The following GNA12 variants were observed in gnomAD, a reference collection of about 807,000 sequenced individuals.
The protein encoded by GNA12 is guanine nucleotide-binding protein subunit alpha-12.
GNA12 carries 9 observed loss-of-function variants against 26.0 expected under a neutral mutation model. That is an observed-to-expected ratio of 0.35 (90% CI 0.21 to 0.60). The LOEUF (loss-of-function observed/expected upper bound fraction) is 0.60, where lower values mean the gene tolerates loss of function less well. Among genes scored for constraint, GNA12 ranks in the 20% least tolerant of loss-of-function variants. GNA12 has a pLI of 0.78. For synonymous variants in GNA12, 264 were observed against 219.6 expected, an observed-to-expected ratio of 1.20 and a Z score of -1.79; for missense variants, 405 against 525.8, an observed-to-expected ratio of 0.77 and a Z score of 2.25.
intron 1 of GNA12, among the ~76,000 whole-genome samples, chr7:2,838,138 A>G (rs1778891492): frequency 6.6e-6 from 1 of 151,968 alleles, no homozygotes; most frequent in African/African-American, 2.4e-5. Context: ...AAAGCATTAT[A>G]CTTAAAAAAA....
intron 1 of GNA12, chr7:2,814,864 A>C (rs1793178260): frequency 1.2e-6 from 2 of 1,601,044 alleles, no homozygotes; most frequent in Non-Finnish European, 1.7e-6. Flanking sequence ...TCCCCTCCAC[A>C]GCACTCACTC....
At chr7:2,732,684 C>T (rs934129968) in intron 3 of GNA12, among the ~76,000 whole-genome samples, 1 of 152,206 alleles carries the variant, frequency 6.6e-6, no homozygotes. Flanking sequence ...TGACTACCAC[C>T]CACGGGGTGT....
intron 2 of GNA12, among the ~76,000 whole-genome samples, chr7:2,750,001 C>T (rs1266302518): frequency 6.6e-6 from 1 of 152,172 alleles, no homozygotes; most frequent in African/African-American, 2.4e-5. Flanking sequence ...AAGCAGAAAA[C>T]TTTCCAAATT....
chr7:2,739,662 T>C (rs1211756370), intron 2 of GNA12, among the ~76,000 whole-genome samples: 1 of 152,144 alleles, frequency 6.6e-6, no homozygotes, highest in African/African-American at 2.4e-5. Flanking sequence ...AGTGAAACTG[T>C]AGCATCCTAT....
intron 2 of GNA12, among the ~76,000 whole-genome samples, chr7:2,743,089 G>C (rs981342149): frequency 6.6e-6 from 1 of 152,206 alleles, no homozygotes; most frequent in African/African-American, 2.4e-5. Context: ...AAGGGGTAAG[G>C]TGGGAACACT....
chr7:2,832,898 C>G (rs1778717277), intron 1 of GNA12, among the ~76,000 whole-genome samples: 1 of 152,144 alleles, frequency 6.6e-6, no homozygotes, highest in South Asian at 2.1e-4. Context: ...TGCCGCACTT[C>G]CAAAGCAGAC....
chr7:2,760,787 G>T (rs1181207500), intron 2 of GNA12, among the ~76,000 whole-genome samples: 7 of 152,210 alleles, frequency 4.6e-5, no homozygotes, highest in Non-Finnish European at 1.0e-4. Flanking sequence ...CCCTACTGCT[G>T]GACCGTCCCA....
chr7:2,735,928 G>A (rs1229316028), intron 2 of GNA12, among the ~76,000 whole-genome samples: 1 of 152,132 alleles, frequency 6.6e-6, no homozygotes, highest in Admixed American at 6.6e-5. Flanking sequence ...AACCCTGTGT[G>A]ATCCAGAACG....
At chr7:2,738,016 T>G (rs1790295602) in intron 2 of GNA12, among the ~76,000 whole-genome samples, 1 of 152,182 alleles carries the variant, frequency 6.6e-6, no homozygotes, top group Admixed American at 6.5e-5. Flanking sequence ...GCTGTGAAAG[T>G]ATTCTGGAAA....
At chr7:2,765,453 C>G (rs1289605006) in intron 2 of GNA12, among the ~76,000 whole-genome samples, 1 of 152,088 alleles carries the variant, frequency 6.6e-6, no homozygotes, top group Non-Finnish European at 1.5e-5. Flanking sequence ...GCCACCGCGC[C>G]CAGCCTACAA....
intron 1 of GNA12, among the ~76,000 whole-genome samples, chr7:2,834,055 C>G (rs564486811): frequency 1.3e-5 from 2 of 152,372 alleles, no homozygotes; most frequent in South Asian, 4.1e-4. Flanking sequence ...AAACACTCCC[C>G]TGAAACCCTA....
intron 1 of GNA12, among the ~76,000 whole-genome samples, chr7:2,829,073 AG>A (rs36125065): frequency 0.41 from 60,732 of 148,352 alleles, 12,607 homozygotes; most frequent in Admixed American, 0.47. Context: ...ACCCTGTCTC[AG>A]GAAAAAAAAA....
intron 2 of GNA12, among the ~76,000 whole-genome samples, chr7:2,739,074 T>A (rs191961945): frequency 6.6e-6 from 1 of 152,228 alleles, no homozygotes; most frequent in Non-Finnish European, 1.5e-5. Flanking sequence ...CCGCAGGGTG[T>A]GTCCTCGGCG....
At chr7:2,817,449 G>A (rs577067251) in intron 1 of GNA12, among the ~76,000 whole-genome samples, 1 of 152,252 alleles carries the variant, frequency 6.6e-6, no homozygotes. Flanking sequence ...TACACAGCCT[G>A]CAAGACTGTA....
chr7:2,766,445 G>C (rs1173300382), intron 2 of GNA12, among the ~76,000 whole-genome samples: 1 of 149,428 alleles, frequency 6.7e-6, no homozygotes, highest in Non-Finnish European at 1.5e-5. Flanking sequence ...GAGTGCAGTG[G>C]TGCCATCTTG....
At chr7:2,812,902 T>G (rs1350774320) in intron 1 of GNA12, among the ~76,000 whole-genome samples, 1 of 152,164 alleles carries the variant, frequency 6.6e-6, no homozygotes, top group Non-Finnish European at 1.5e-5. Context: ...AACACATATA[T>G]AAAATCAAAA....
At chr7:2,812,447 T>C (rs1024695843) in intron 1 of GNA12, among the ~76,000 whole-genome samples, 4 of 152,052 alleles carry the variant, frequency 2.6e-5, no homozygotes, top group African/African-American at 9.7e-5. Context: ...CTGACCAACA[T>C]GATTAAACCC....
chr7:2,779,890 G>C (rs140292201), intron 2 of GNA12, among the ~76,000 whole-genome samples: 2 of 151,796 alleles, frequency 1.3e-5, no homozygotes, highest in Non-Finnish European at 2.9e-5. Flanking sequence ...GAGCCAGCAG[G>C]CTTGGCGAAT....
At chr7:2,768,983 T>A (rs1437626257) in intron 2 of GNA12, among the ~76,000 whole-genome samples, 1 of 152,166 alleles carries the variant, frequency 6.6e-6, no homozygotes, top group Non-Finnish European at 1.5e-5. Flanking sequence ...TGATCTCGGC[T>A]CCCTCCACCT....
Sources: allele counts gnomAD v4.1 joint callset (sites outside exome capture counted in the v4.1 genomes callset), GRCh38; gene constraint gnomAD v4.1.1; transcripts MANE v1.5; gene names NCBI Gene and HGNC (gene_info 2026-07-23, HGNC 2026-07-21).